The following ODAD2 variants were observed in gnomAD, a reference collection of about 807,000 sequenced individuals.
The protein encoded by ODAD2 is outer dynein arm docking complex subunit 2.
Under a neutral mutation model 106.8 loss-of-function variants are expected in ODAD2, and 89 were observed. That is an observed-to-expected ratio of 0.83 (90% CI 0.70 to 0.99). The LOEUF (loss-of-function observed/expected upper bound fraction) is 0.99, where lower values mean the gene tolerates loss of function less well. Among genes scored for constraint, ODAD2 ranks in the 50% least tolerant of loss-of-function variants. The pLI is 0.00. For missense variants in ODAD2, 1,168 were observed against 1,238.5 expected, an observed-to-expected ratio of 0.94 and a Z score of 0.85; for synonymous variants, 404 against 436.2, an observed-to-expected ratio of 0.93 and a Z score of 0.92.
chr10:27,921,027 C>T (rs1844741059), intron 16 of ODAD2, among the ~76,000 whole-genome samples: 1 of 152,036 alleles, frequency 6.6e-6, no homozygotes, highest in African/African-American at 2.4e-5. Flanking sequence ...ATCAGTCCAA[C>T]AAATGTTTAC....
At chr10:27,861,893 T>C (rs1840072301) in intron 18 of ODAD2, among the ~76,000 whole-genome samples, 1 of 152,220 alleles carries the variant, frequency 6.6e-6, no homozygotes, top group Non-Finnish European at 1.5e-5. Context: ...TTCTGCTCTA[T>C]GACTTTTCTG....
intron 19 of ODAD2, among the ~76,000 whole-genome samples, chr10:27,829,380 C>T (rs971147218): frequency 4.6e-5 from 7 of 152,114 alleles, no homozygotes; most frequent in Admixed American, 3.9e-4. Context: ...TTTTTTCAAA[C>T]TCCCGTTGAC....
intron 12 of ODAD2, among the ~76,000 whole-genome samples, chr10:27,943,664 G>A (rs924109871): frequency 6.6e-6 from 1 of 151,618 alleles, no homozygotes; most frequent in African/African-American, 2.4e-5. Context: ...GCGGGCACCT[G>A]TAGTCTCAGC....
chr10:27,867,965 A>G (rs1183116958), intron 17 of ODAD2, among the ~76,000 whole-genome samples: 9 of 152,010 alleles, frequency 5.9e-5, no homozygotes, highest in Non-Finnish European at 1.2e-4. Context: ...AAAAAAAAAA[A>G]GCAGTATAAA....
At chr10:27,993,236 T>G (rs1456827087) in intron 2 of ODAD2, among the ~76,000 whole-genome samples, 1 of 152,212 alleles carries the variant, frequency 6.6e-6, no homozygotes, top group Non-Finnish European at 1.5e-5. Flanking sequence ...ATGTTTTTAA[T>G]TTGTTTTACG....
chr10:27,963,252 C>T (rs903626019), intron 9 of ODAD2, among the ~76,000 whole-genome samples: 23 of 152,172 alleles, frequency 1.5e-4, no homozygotes, highest in African/African-American at 5.3e-4. Context: ...CGTGATCCTC[C>T]CGTCTCGGCC....
At chr10:27,951,218 C>T (rs1038019951) in intron 10 of ODAD2, among the ~76,000 whole-genome samples, 1 of 152,068 alleles carries the variant, frequency 6.6e-6, no homozygotes, top group Non-Finnish European at 1.5e-5. Context: ...TCATGTAAAC[C>T]AACCAAAATG....
intron 17 of ODAD2, among the ~76,000 whole-genome samples, chr10:27,878,175 A>G (rs1247388641): frequency 1.3e-5 from 2 of 152,230 alleles, no homozygotes; most frequent in Non-Finnish European, 2.9e-5. Context: ...ATTGAGAAAG[A>G]GAATATGAAA....
At chr10:27,920,141 G>A (rs1487434923) in intron 16 of ODAD2, among the ~76,000 whole-genome samples, 1 of 151,980 alleles carries the variant, frequency 6.6e-6, no homozygotes, top group African/African-American at 2.4e-5. Flanking sequence ...GCACTGAGTG[G>A]GCTGTGAGGA....
chr10:27,990,409 C>T (rs1850152254), intron 2 of ODAD2, among the ~76,000 whole-genome samples: 1 of 152,298 alleles, frequency 6.6e-6, no homozygotes, highest in East Asian at 1.9e-4. Context: ...CTCCTGGGTT[C>T]GAGTGATCCT....
In ODAD2 at chr10:27,987,366, G is replaced by C. The variant is rs1469958395; in HGVS notation, c.382+20C>G. ...ATTGTTTCTAAAAGTTCAAATCACA[G>C]ACTGGAGCATTAAGATCACCTTCAA... On this transcript the variant is annotated intron_variant, in intron 3 of 19. Coordinates refer to ENST00000305242, the MANE Select transcript of ODAD2 (RefSeq NM_018076.5). The C allele has an allele frequency of 6.2e-7, 1 of 1,605,256 alleles. No homozygotes were observed. The highest frequency in any genetic ancestry group is 2.2e-5 in the East Asian group (1 of 44,780).
intron 19 of ODAD2, among the ~76,000 whole-genome samples, chr10:27,833,100 T>C (rs536079968): frequency 2.6e-5 from 4 of 152,106 alleles, no homozygotes; most frequent in Non-Finnish European, 5.9e-5. Flanking sequence ...ACAAAATACA[T>C]AATGAAGGGT....
At chr10:27,860,161 TAACAC>T (rs1187912825) in intron 19 of ODAD2, among the ~76,000 whole-genome samples, 1 of 152,132 alleles carries the variant, frequency 6.6e-6, no homozygotes, top group Non-Finnish European at 1.5e-5. Flanking sequence ...TAAATCATCA[TAACAC>T]ACTGGCTGGG....
chr10:27,969,880 C>T (rs920519093), intron 8 of ODAD2, among the ~76,000 whole-genome samples: 2 of 152,040 alleles, frequency 1.3e-5, no homozygotes, highest in African/African-American at 2.4e-5. Context: ...CAGAAGTGGG[C>T]GGATTACTTG....
intron 19 of ODAD2, among the ~76,000 whole-genome samples, chr10:27,828,633 A>C (rs559398914): frequency 6.6e-6 from 1 of 152,342 alleles, no homozygotes; most frequent in South Asian, 2.1e-4. Context: ...TAATTTAACA[A>C]GGAAATATTT....
At chr10:27,835,870 G>A (rs1837834608) in intron 19 of ODAD2, 1 of 151,148 alleles carries the variant, frequency 6.6e-6, no homozygotes. Flanking sequence ...GGGTGGCAGT[G>A]AGCCGAGATT....
At chr10:27,828,298 T>G (rs1267701835) in intron 19 of ODAD2, among the ~76,000 whole-genome samples, 1 of 152,128 alleles carries the variant, frequency 6.6e-6, no homozygotes, top group Non-Finnish European at 1.5e-5. Flanking sequence ...TGTGATCAAC[T>G]GATAGGGAGT....
chr10:27,997,660 G>T (rs557396860), intron 1 of ODAD2: 1 of 152,312 alleles, frequency 6.6e-6, no homozygotes, highest in East Asian at 1.9e-4. Flanking sequence ...AGGTTGGTGA[G>T]TTTAAGAAAA....
At chr10:27,907,584 G>C in intron 17 of ODAD2, 79 bp downstream of exon 17, 2 of 907,168 alleles carry the variant, frequency 2.2e-6, no homozygotes, top group Non-Finnish European at 1.7e-6. Flanking sequence ...TAAGTCAAAA[G>C]CAATTAGTAA....
Sources: gnomAD v4.1 joint callset for allele counts (sites outside exome capture counted in the v4.1 genomes callset) on GRCh38, gnomAD v4.1.1 for gene constraint, MANE v1.5 for transcripts, NCBI Gene and HGNC (gene_info 2026-07-23, HGNC 2026-07-21) for gene names.